CIB4: variants seen among roughly 807,000 people sequenced by gnomAD.
The protein encoded by CIB4 is calcium and integrin-binding family member 4.
CIB4 carries 25 observed loss-of-function variants against 25.8 expected under a neutral mutation model. The ratio of observed to expected loss-of-function variants is 0.97; its 90% CI spans 0.71 to 1.35. CIB4 has a LOEUF of 1.35. CIB4 is among the 40% of genes most tolerant of loss of function. The pLI is 0.00. For synonymous variants in CIB4, 75 were observed against 81.4 expected, an observed-to-expected ratio of 0.92 and a Z score of 0.42; for missense variants, 235 against 228.2, an observed-to-expected ratio of 1.03 and a Z score of -0.19.
chr2:26,607,380 C>T (rs1668909357), intron 3 of CIB4, among the ~76,000 whole-genome samples: 1 of 152,218 alleles, frequency 6.6e-6, no homozygotes, highest in South Asian at 2.1e-4. Context: ...CTCACTTGTT[C>T]ATCAACATCT....
At chr2:26,628,087 G>T (rs116754082) in intron 3 of CIB4, among the ~76,000 whole-genome samples, 1 of 152,168 alleles carries the variant, frequency 6.6e-6, no homozygotes, top group African/African-American at 2.4e-5. Context: ...GCCAAGAACC[G>T]AATGAAAAAT....
intron 2 of CIB4, among the ~76,000 whole-genome samples, chr2:26,636,193 A>G (rs1477974109): frequency 6.6e-6 from 1 of 152,144 alleles, no homozygotes; most frequent in Middle Eastern, 3.2e-3. Flanking sequence ...CCCAATATAA[A>G]ACAATTTTCC....
intron 4 of CIB4, among the ~76,000 whole-genome samples, chr2:26,587,409 C>T (rs975319423): frequency 2.0e-5 from 3 of 148,228 alleles, no homozygotes; most frequent in Admixed American, 6.8e-5. Flanking sequence ...TGGAAGCTAT[C>T]TTGCTTAAGC....
At chr2:26,634,106 G>T (rs1343343160) in intron 2 of CIB4, among the ~76,000 whole-genome samples, 1 of 152,144 alleles carries the variant, frequency 6.6e-6, no homozygotes, top group Non-Finnish European at 1.5e-5. Flanking sequence ...ACCCCTTGAA[G>T]TTCTCATTCA....
intron 3 of CIB4, among the ~76,000 whole-genome samples, chr2:26,616,157 T>C (rs1025696680): frequency 6.6e-6 from 1 of 151,954 alleles, no homozygotes; most frequent in African/African-American, 2.4e-5. Context: ...CCTTGAGGAG[T>C]AAGTGAGATG....
intron 3 of CIB4, among the ~76,000 whole-genome samples, chr2:26,600,231 C>G (rs1668756906): frequency 6.8e-6 from 1 of 146,684 alleles, no homozygotes; most frequent in Non-Finnish European, 1.5e-5. Flanking sequence ...GTGGCGAAAC[C>G]CGTCTCTACT....
chr2:26,600,113 G>A (rs1235459684), intron 3 of CIB4, among the ~76,000 whole-genome samples: 1 of 141,446 alleles, frequency 7.1e-6, no homozygotes, highest in Admixed American at 7.0e-5. Context: ...TATTGACTGG[G>A]CGCAGTGGCT....
At position 26,610,163 on chromosome 2, in the gene CIB4, G is replaced by C. The variant is rs1668971959; in HGVS notation, c.187-14846C>G. ...ATGGTGTCAGGGCTGCTTTGCAGCT[G>C]TTTGGGGACACCCAGCACAGGGCAC... On this transcript the variant is annotated intron_variant, in intron 3 of 6. Coordinates refer to ENST00000288861, the MANE Select transcript of CIB4 (RefSeq NM_001029881.3). Among the ~76,000 whole-genome samples the C allele has an allele frequency of 2.0e-5, 3 of 152,336 alleles. No homozygotes were observed. In the South Asian group the frequency reaches 6.2e-4, roughly 32 times the overall value.
chr2:26,616,772 T>C (rs982729131), intron 3 of CIB4, among the ~76,000 whole-genome samples: 129 of 152,208 alleles, frequency 8.5e-4, no homozygotes, highest in Admixed American at 8.3e-3. Flanking sequence ...ATTAGACATG[T>C]GCACACGTGT....
At chr2:26,601,818 A>G (rs978526400) in intron 3 of CIB4, among the ~76,000 whole-genome samples, 2 of 152,242 alleles carry the variant, frequency 1.3e-5, no homozygotes, top group Non-Finnish European at 2.9e-5. Flanking sequence ...AGCAATAAAA[A>G]TGAAGAACCA....
chr2:26,593,274 C>G (rs954320139), intron 4 of CIB4, among the ~76,000 whole-genome samples: 1 of 151,996 alleles, frequency 6.6e-6, no homozygotes, highest in East Asian at 1.9e-4. Flanking sequence ...TAGAATAAAT[C>G]TCTCTCTCTT....
intron 4 of CIB4, among the ~76,000 whole-genome samples, chr2:26,584,456 G>A (rs1002803921): frequency 3.9e-5 from 6 of 152,204 alleles, no homozygotes; most frequent in Admixed American, 3.3e-4. Context: ...TGTGATCTGG[G>A]CATGTGCCCT....
rs536910740 is a variant in CIB4, at chr2:26,627,587, G to A, written c.186+1823C>T. ...CCCACATGTGGTGGAGCCCATGCAC[G>A]TGTACACATGGGGTGTGACTGTATG... On this transcript the variant is annotated intron_variant, in intron 3 of 6. Coordinates refer to ENST00000288861, the MANE Select transcript of CIB4 (RefSeq NM_001029881.3). This position sits in a 1 kb window ranked among gnomAD's most constrained non-coding sequence, Gnocchi z 4.0. 3.5e-3 allele frequency among the ~76,000 whole-genome samples: 531 copies of A among 152,314 alleles called. 2 individuals carry two copies. Among genetic ancestry groups the A allele is most frequent in the Middle Eastern group, 0.014 (4 of 294 alleles).
Position 26,601,225 on chromosome 2 carries a change from AAAAAAAATATATAT to A in CIB4, c.187-5922_187-5909del, listed in dbSNP as rs1407289924. On this transcript the variant is annotated intron_variant, in intron 3 of 6. Transcript: ENST00000288861. Reference sequence around the variant, plus strand: ...ACAGAGTGAGACCATGTCAAAAAAAAAAAAAAATATATATATATATATATATATATATATATATA... The same window carrying A: ...ACAGAGTGAGACCATGTCAAAAAAAAATATATATATATATATATATATATA... Among the ~76,000 whole-genome samples, 15 of 51,250 alleles carry A rather than the reference AAAAAAAATATATAT, an allele frequency of 2.9e-4. 1 individual carries two copies. The highest frequency in any genetic ancestry group is 3.6e-4 in the African/African-American group (5 of 14,022). 33.6% of individuals were successfully genotyped at this position (51,250 alleles called of 152,430 possible).
chr2:26,619,237 C>A (rs1272843791), intron 3 of CIB4, among the ~76,000 whole-genome samples: 6 of 152,158 alleles, frequency 3.9e-5, no homozygotes, highest in Admixed American at 3.9e-4. Context: ...GGAGTCTCCC[C>A]ACAGGGCCCT....
chr2:26,614,575 C>T (rs1309085420), intron 3 of CIB4, among the ~76,000 whole-genome samples: 1 of 152,234 alleles, frequency 6.6e-6, no homozygotes, highest in Non-Finnish European at 1.5e-5. Context: ...CCACAGGGCG[C>T]CCAGTTCCGG....
intron 6 of CIB4, among the ~76,000 whole-genome samples, chr2:26,581,662 C>T (rs1403982124): frequency 6.6e-6 from 1 of 152,242 alleles, no homozygotes; most frequent in African/African-American, 2.4e-5. Flanking sequence ...CAAAGAGAAA[C>T]TCTGAGCAGT....
rs950143853 is a variant in CIB4 at position 26,581,267 on chromosome 2, C to G, written c.*96G>C. 2.8e-5 allele frequency: 28 copies of G among 1,002,338 alleles called. No homozygotes were observed. The highest frequency in any genetic ancestry group is 4.3e-5 in the Non-Finnish European group (27 of 626,646). 62.1% of individuals were successfully genotyped at this position (1,002,338 alleles called of 1,614,324 possible). A position where few individuals can be genotyped will look rare whatever the true frequency, so the allele number is the denominator to read the frequency against. ...TCTAGAGGTGAGTGTGGGCCCAGTA[C>G]AAAGTCATACTTCAAACCAGCTCCC... On this transcript the variant is annotated 3_prime_UTR_variant, in exon 7 of 7. Transcript: ENST00000288861.
chr2:26,609,705 C>G (rs537930069), intron 3 of CIB4, among the ~76,000 whole-genome samples: 1 of 152,090 alleles, frequency 6.6e-6, no homozygotes, highest in Non-Finnish European at 1.5e-5. Flanking sequence ...AGGTCCCAGG[C>G]GCAACAGGGC....
Sources: allele counts gnomAD v4.1 joint callset (sites outside exome capture counted in the v4.1 genomes callset), GRCh38; gene constraint gnomAD v4.1.1; non-coding constraint Gnocchi (gnomAD v3.1); transcripts MANE v1.5; gene names NCBI Gene and HGNC (gene_info 2026-07-23, HGNC 2026-07-21).